Variants in GAS2L1 observed in about 807,000 individuals in gnomAD.
GAS2L1 encodes the protein growth arrest specific 2 like 1.
A neutral mutation model predicts 44.0 loss-of-function variants in GAS2L1; 26 were observed. That is an observed-to-expected ratio of 0.59 (90% CI 0.43 to 0.82). The LOEUF (loss-of-function observed/expected upper bound fraction) is 0.82. Among genes scored for constraint, GAS2L1 ranks in the 40% least tolerant of loss-of-function variants. The pLI, the probability that GAS2L1 is intolerant of heterozygous loss-of-function variation, is 0.00. For synonymous variants in GAS2L1, 426 were observed against 415.9 expected (o/e 1.02, Z -0.30); for missense variants, 1,006 against 983.0 (o/e 1.02, Z -0.31).
chr22:29,308,239 T>A (rs1486273900), exon 1 of GAS2L1: 1 of 1,609,342 alleles, frequency 6.2e-7, no homozygotes, highest in Admixed American at 1.7e-5. Context: ...GGCCTGGGTC[T>A]CCCGGGTGGT....
exon 2 of GAS2L1, chr22:29,310,488 T>G: frequency 6.2e-7 from 1 of 1,612,798 alleles, no homozygotes. Context: ...TTTCCCATGA[T>G]CAAGGTCTCA....
chr22:29,307,857 A>C, exon 1 of GAS2L1: 1 of 372,042 alleles, frequency 2.7e-6, no homozygotes, highest in Non-Finnish European at 4.8e-6. Context: ...GCAAACACTT[A>C]ATGGACCCTA....
chr22:29,312,006 C>T (rs758772205), exon 5 of GAS2L1: 25 of 1,611,604 alleles, frequency 1.6e-5, no homozygotes, highest in Middle Eastern at 1.6e-4. Flanking sequence ...GCAGCTGTTC[C>T]GGCGCCTGGA....
chr22:29,311,867 C>A, exon 5 of GAS2L1: 1 of 1,596,492 alleles, frequency 6.3e-7, no homozygotes, highest in East Asian at 2.2e-5. Flanking sequence ...GGAGCACCCC[C>A]CAGACTCCCC....
exon 2 of GAS2L1, chr22:29,310,441 G>A (rs780652237): frequency 9.5e-6 from 15 of 1,578,940 alleles, no homozygotes; most frequent in Non-Finnish European, 1.3e-5. Context: ...GGCCTCAGGT[G>A]AGGGAGATTC....
chr22:29,308,315 C>T (rs1485331973), exon 1 of GAS2L1: 4 of 1,606,446 alleles, frequency 2.5e-6, no homozygotes, highest in Non-Finnish European at 3.4e-6. Context: ...ACGCCGTGAC[C>T]GAGGCTGCCC....
exon 4 of GAS2L1, chr22:29,310,881 C>A: frequency 6.2e-7 from 1 of 1,613,288 alleles, no homozygotes; most frequent in Non-Finnish European, 8.5e-7. Context: ...AGGGTGTCGC[C>A]CACCACCAGT....
At chr22:29,310,876 G>A in exon 4 of GAS2L1, 2 of 1,613,130 alleles carry the variant, frequency 1.2e-6, no homozygotes, top group East Asian at 4.5e-5. Flanking sequence ...CACAGAGGGT[G>A]TCGCCCACCA....
At position 29,308,672 on chromosome 22, in the gene GAS2L1, C is replaced by T. The variant is rs56037813; in HGVS notation, c.567C>T (p.Pro189=). 1,277 of 1,523,616 alleles carry T rather than the reference C, an allele frequency of 8.4e-4. 2 individuals carry two copies. The highest frequency in any genetic ancestry group is 4.6e-3 in the Middle Eastern group (26 of 5,658). The allele number at this position is 1,523,616 out of a possible 1,614,324, so 94.4% of individuals were successfully genotyped here. ...GGGAGGACACCACTGAAACCGCCCC[C>T]GCACCAGGGACTCCTGCCCGCGGCC... Residue 189 remains proline, a synonymous_variant, in exon 1 of 5, where the codon CCC becomes CCT. Coordinates refer to ENST00000618518, the Ensembl canonical transcript of GAS2L1.
intron 1 of GAS2L1, among the ~76,000 whole-genome samples, chr22:29,309,241 TC>T (rs1569139541): frequency 6.6e-6 from 1 of 152,106 alleles, no homozygotes; most frequent in Non-Finnish European, 1.5e-5. Flanking sequence ...GTCTCCCCAC[TC>T]CCCAGGCACC....
At chr22:29,308,002 A>G (rs1383188394) in exon 1 of GAS2L1, 1 of 909,820 alleles carries the variant, frequency 1.1e-6, no homozygotes, top group East Asian at 2.9e-5. Context: ...TGAGTGACAG[A>G]CTGGTGCAGG....
At position 29,311,113 on chromosome 22, in the gene GAS2L1, C is replaced by G. The variant is rs2061400636; in HGVS notation, c.1010+115C>G. On this transcript the variant is annotated intron_variant, in intron 4 of 4. Coordinates refer to ENST00000618518, the Ensembl canonical transcript of GAS2L1. ...TGACTCACACCCTGGGAAAAGTTCC[C>G]GTGGGTGGGGGCGGGCCTGGCTTCC... 4.9e-6 allele frequency: 5 copies of G among 1,029,232 alleles called. No individual in the cohort carries two copies. In the African/African-American group the frequency reaches 6.4e-5, roughly 13 times the overall value. 63.8% of individuals were successfully genotyped at this position (1,029,232 alleles called of 1,614,324 possible). A position where few individuals can be genotyped will look rare whatever the true frequency, so the allele number is the denominator to read the frequency against.
In GAS2L1 at chr22:29,310,625, C is replaced by T; in HGVS notation, c.742-13C>T. The T allele has an allele frequency of 6.2e-7, 1 of 1,602,958 alleles. No homozygotes were observed. The highest frequency in any genetic ancestry group is 8.5e-7 in the Non-Finnish European group (1 of 1,171,820). The stretch of plus-strand genomic sequence containing the variant: ...GCGCCCGGGGCACAGCCGTGACCTG[C>T]CCACACCTGCAGGTGCTGAGGAGCC... On this transcript the variant is annotated splice_polypyrimidine_tract_variant and intron_variant, in intron 2 of 4. Transcript: ENST00000618518.
chr22:29,310,258 TAAAAAA>T (rs1169109475), intron 1 of GAS2L1, 175 bp from the exon 3 acceptor site: 11 of 306,798 alleles, frequency 3.6e-5, no homozygotes, highest in Non-Finnish European at 6.2e-5. Context: ...AAAAAAAAAA[TAAAAAA>T]AAATAAAAAA....
At position 29,310,752 on chromosome 22, in the gene GAS2L1, G is replaced by C. The variant is rs1273219563; in HGVS notation, c.838+18G>C. On this transcript the variant is annotated intron_variant, in intron 3 of 4. Coordinates refer to ENST00000618518, the Ensembl canonical transcript of GAS2L1. ...CTCCACTGGTCAGTGCCAGGGTGGG[G>C]CTGGGGCTGGACGGGCAGGGGACTT... 3 of 1,605,610 alleles carry C rather than the reference G, an allele frequency of 1.9e-6. No homozygotes were observed. The highest frequency in any genetic ancestry group is 2.5e-6 in the Non-Finnish European group (3 of 1,177,178).
chr22:29,312,290 G>C (rs749827785), exon 5 of GAS2L1: 2 of 1,608,826 alleles, frequency 1.2e-6, no homozygotes, highest in South Asian at 1.1e-5. Context: ...GCATGGGGGG[G>C]CCACTAGATG....
At chr22:29,310,686 C>G in exon 3 of GAS2L1, 1 of 1,608,488 alleles carries the variant, frequency 6.2e-7, no homozygotes, top group Non-Finnish European at 8.5e-7. Context: ...CTGGGACACG[C>G]TGGAGCATTA....
exon 2 of GAS2L1, chr22:29,310,479 T>C: frequency 6.2e-7 from 1 of 1,612,336 alleles, no homozygotes; most frequent in Non-Finnish European, 8.5e-7. Context: ...CCTGACCAGT[T>C]TCCCATGATC....
chr22:29,309,125 G>A (rs1158949831), intron 1 of GAS2L1, among the ~76,000 whole-genome samples: 4 of 152,208 alleles, frequency 2.6e-5, no homozygotes, highest in Admixed American at 2.6e-4. Context: ...ACAACCTCAT[G>A]GAGGCTCGAG....
Sources: gnomAD v4.1 joint callset for allele counts (sites outside exome capture counted in the v4.1 genomes callset) on GRCh38, gnomAD v4.1.1 for gene constraint, MANE v1.5 for transcripts, NCBI Gene and HGNC (gene_info 2026-07-23, HGNC 2026-07-21) for gene names.